The following DNAI7 variants were observed in gnomAD, a reference collection of about 807,000 sequenced individuals.
The protein encoded by DNAI7 is cancer susceptibility 1.
A neutral mutation model predicts 86.6 loss-of-function variants in DNAI7; 78 were observed. That is an observed-to-expected ratio of 0.90 (90% CI 0.75 to 1.09). The LOEUF (loss-of-function observed/expected upper bound fraction) is 1.09, where lower values mean the gene tolerates loss of function less well. DNAI7 is among the 50% of genes least tolerant of loss of function. The pLI is 0.00. For synonymous variants in DNAI7, 274 were observed against 273.0 expected (o/e 1.00, Z -0.04); for missense variants, 753 against 810.2 (o/e 0.93, Z 0.86).
chr12:25,112,257 T>A (rs906629404), intron 13 of DNAI7, among the ~76,000 whole-genome samples: 8 of 152,166 alleles, frequency 5.3e-5, no homozygotes, highest in African/African-American at 1.9e-4. Context: ...ATTAAAATAG[T>A]TATTAGATAA....
chr12:25,186,320 C>T (rs917033245), intron 2 of DNAI7, among the ~76,000 whole-genome samples: 3 of 152,178 alleles, frequency 2.0e-5, no homozygotes, highest in African/African-American at 7.2e-5. Flanking sequence ...ATTACACTCA[C>T]ATTTTTACTA....
intron 2 of DNAI7, among the ~76,000 whole-genome samples, chr12:25,168,700 C>T (rs895663098): frequency 3.3e-5 from 5 of 151,818 alleles, no homozygotes; most frequent in African/African-American, 1.2e-4. Context: ...AAGGATAGAG[C>T]CCAAAAACTT....
chr12:25,171,917 T>C (rs1410528683), intron 2 of DNAI7, among the ~76,000 whole-genome samples: 1 of 152,200 alleles, frequency 6.6e-6, no homozygotes, highest in Non-Finnish European at 1.5e-5. Context: ...CCAGCATCCC[T>C]TTATGATTAA....
At chr12:25,175,072 A>C (rs1948808671) in intron 2 of DNAI7, among the ~76,000 whole-genome samples, 1 of 152,078 alleles carries the variant, frequency 6.6e-6, no homozygotes, top group African/African-American at 2.4e-5. Flanking sequence ...GAACTTACTC[A>C]GGTAACCAAA....
chr12:25,108,186 G>A (rs532733260), downstream of DNAI7: 2 of 1,053,490 alleles, frequency 1.9e-6, no homozygotes, highest in African/African-American at 3.2e-5. Flanking sequence ...CTGTAAGATA[G>A]CTTACATTTC....
At chr12:25,148,120 T>C (rs1252097723) in intron 7 of DNAI7, among the ~76,000 whole-genome samples, 2 of 152,224 alleles carry the variant, frequency 1.3e-5, no homozygotes, top group Non-Finnish European at 2.9e-5. Flanking sequence ...CACTTTTTAT[T>C]TTCTGAAACT....
At chr12:25,186,091 T>C (rs201630439) in intron 2 of DNAI7, among the ~76,000 whole-genome samples, 2 of 152,322 alleles carry the variant, frequency 1.3e-5, no homozygotes, top group East Asian at 1.9e-4. Context: ...ATTCTTCTCA[T>C]AGTCTAATCA....
chr12:25,119,589 T>C (rs1940868719), intron 11 of DNAI7, among the ~76,000 whole-genome samples: 2 of 152,178 alleles, frequency 1.3e-5, no homozygotes, highest in Non-Finnish European at 2.9e-5. Context: ...ACAGAAATGA[T>C]AACTAAGACT....
downstream of DNAI7, chr12:25,107,079 A>T: frequency 7.7e-7 from 1 of 1,292,820 alleles, no homozygotes; most frequent in Non-Finnish European, 1.1e-6. Flanking sequence ...AAATTCTACC[A>T]TTTTAGTGGA....
chr12:25,122,639 G>A (rs4620806), intron 10 of DNAI7, among the ~76,000 whole-genome samples: 152,068 of 152,322 alleles, frequency 1, 75,910 homozygotes, highest in Non-Finnish European at 1. Flanking sequence ...ATTAGACATC[G>A]CTATTGCCTT....
chr12:25,151,954 A>C (rs1245503220), intron 6 of DNAI7, among the ~76,000 whole-genome samples: 1 of 152,244 alleles, frequency 6.6e-6, no homozygotes, highest in African/African-American at 2.4e-5. Flanking sequence ...AGGAAGCATA[A>C]AACTGTGAGG....
intron 14 of DNAI7, 81 bp downstream of exon 14, chr12:25,111,691 T>C: frequency 1.3e-6 from 1 of 749,012 alleles, no homozygotes; most frequent in Non-Finnish European, 1.9e-6. Context: ...ACAGTGTATA[T>C]AATATTAAAT....
chr12:25,149,210 G>C (rs1298555138), intron 7 of DNAI7, among the ~76,000 whole-genome samples: 3 of 152,092 alleles, frequency 2.0e-5, no homozygotes, highest in African/African-American at 4.8e-5. Context: ...AGAATAATAA[G>C]GTTGGTGCAA....
chr12:25,108,346 G>T lies in DNAI7; in HGVS notation c.*202C>A. On this transcript the variant is annotated 3_prime_UTR_variant, in exon 16 of 16. Coordinates refer to ENST00000395987, the MANE Select transcript of DNAI7 (RefSeq NM_018272.5). Reference sequence around the variant, plus strand: ...TCATTTAAATCTTCATAGAGTGAAAGCTGAAATTCTTAACAGGCCAAGTAT... The same window carrying T: ...TCATTTAAATCTTCATAGAGTGAAATCTGAAATTCTTAACAGGCCAAGTAT... 1 of 545,232 alleles carries T rather than the reference G, an allele frequency of 1.8e-6. No individual in the cohort carries two copies. The highest frequency in any genetic ancestry group is 3.1e-6 in the Non-Finnish European group (1 of 321,864). 33.8% of individuals were successfully genotyped at this position (545,232 alleles called of 1,614,324 possible). A position where few individuals can be genotyped will look rare whatever the true frequency, so the allele number is the denominator to read the frequency against.
intron 2 of DNAI7, among the ~76,000 whole-genome samples, chr12:25,176,421 T>TA (rs1461989014): frequency 2.0e-5 from 3 of 152,092 alleles, no homozygotes; most frequent in African/African-American, 7.2e-5. Flanking sequence ...AACTAAATGT[T>TA]AAACATAAAA....
At position 25,174,519 on chromosome 12, in the gene DNAI7, T is replaced by TGA. The variant is rs1555181543; in HGVS notation, c.22-13323_22-13322insTC. On this transcript the variant is annotated intron_variant, in intron 2 of 15. Transcript: ENST00000395987. ...ATCCCATATATATGGGATATATATA[T>TGA]CATATATATCATATATATGGGATAT... is the stretch of plus-strand genomic sequence containing the variant. 4.1e-3 allele frequency among the ~76,000 whole-genome samples: 139 copies of TGA among 33,688 alleles called. 28 individuals carry two copies. The highest frequency in any genetic ancestry group is 0.034 in the Middle Eastern group (2 of 58). 22.1% of individuals were successfully genotyped at this position (33,688 alleles called of 152,430 possible).
intron 9 of DNAI7, among the ~76,000 whole-genome samples, chr12:25,131,328 G>A (rs1404348020): frequency 6.6e-6 from 1 of 152,192 alleles, no homozygotes; most frequent in African/African-American, 2.4e-5. Flanking sequence ...AATACATTTT[G>A]TCACACACAC....
chr12:25,135,246 T>C (rs1373748054), intron 9 of DNAI7, among the ~76,000 whole-genome samples: 2 of 152,142 alleles, frequency 1.3e-5, no homozygotes, highest in Non-Finnish European at 2.9e-5. Context: ...TAACCTTACC[T>C]AGAACTGAAA....
intron 2 of DNAI7, among the ~76,000 whole-genome samples, chr12:25,182,756 C>CT (rs1949649923): frequency 6.6e-6 from 1 of 151,670 alleles, no homozygotes; most frequent in South Asian, 2.1e-4. Context: ...GATCTCATCT[C>CT]TAAAAAAAAT....
Sources: allele counts gnomAD v4.1 joint callset (sites outside exome capture counted in the v4.1 genomes callset), GRCh38; gene constraint gnomAD v4.1.1; transcripts MANE v1.5; gene names NCBI Gene and HGNC (gene_info 2026-07-23, HGNC 2026-07-21).